FAM53B: variants seen among roughly 807,000 people sequenced by gnomAD.
FAM53B encodes the protein family with sequence similarity 53 member B, also known as protein FAM53B.
In FAM53B, 12 loss-of-function variants were observed where a neutral mutation model predicts 32.7. The ratio of observed to expected loss-of-function variants is 0.37; its 90% CI spans 0.24 to 0.59. The LOEUF (loss-of-function observed/expected upper bound fraction) is 0.59. Ranked by LOEUF, FAM53B falls within the 20% of genes least tolerant of loss-of-function variation. The pLI, the probability that FAM53B is intolerant of heterozygous loss-of-function variation, is 0.72. For synonymous variants in FAM53B, 234 were observed against 228.7 expected (o/e 1.02, Z -0.21); for missense variants, 477 against 577.7 (o/e 0.83, Z 1.79).
At chr10:124,723,330 T>C (rs1018396388) in intron 1 of FAM53B, among the ~76,000 whole-genome samples, 2 of 152,220 alleles carry the variant, frequency 1.3e-5, no homozygotes, top group East Asian at 1.9e-4. Flanking sequence ...CTGAAATCTG[T>C]CTTGCTTGCA....
chr10:124,673,947 C>A (rs1949722059), intron 4 of FAM53B, among the ~76,000 whole-genome samples: 1 of 152,202 alleles, frequency 6.6e-6, no homozygotes, highest in South Asian at 2.1e-4. Flanking sequence ...AGAAGCAGGG[C>A]AACGGGCTCA....
At chr10:124,630,531 G>C (rs1949384198) in intron 4 of FAM53B, among the ~76,000 whole-genome samples, 1 of 152,186 alleles carries the variant, frequency 6.6e-6, no homozygotes, top group African/African-American at 2.4e-5. Flanking sequence ...TTACCCTCAG[G>C]AATCAGGGCA....
In FAM53B at chr10:124,733,171, A is replaced by G. The variant is rs1363026396; in HGVS notation, c.-175+10842T>C. On this transcript the variant is annotated intron_variant, in intron 1 of 4. Transcript: ENST00000337318. The surrounding 1 kb of genome is among the most constrained non-coding windows in gnomAD (Gnocchi z 4.3). ...AAATGCAGATGAGCAAAACCCTACCAGCCTTGGAAAACACACCCCCCAAAG... is the reference window on the plus strand; with the variant it reads ...AAATGCAGATGAGCAAAACCCTACCGGCCTTGGAAAACACACCCCCCAAAG... Among the ~76,000 whole-genome samples, 1 of 152,210 alleles carries G rather than the reference A, an allele frequency of 6.6e-6. No individual in the cohort carries two copies. Among genetic ancestry groups the G allele is most frequent in the Admixed American group, 6.5e-5 (1 of 15,290 alleles).
intron 4 of FAM53B, chr10:124,671,098 CCG>C: frequency 1.1e-5 from 5 of 443,292 alleles, no homozygotes; most frequent in Admixed American, 7.1e-5. Context: ...ACAGAGGCAG[CCG>C]TACATCTCCC....
At chr10:124,715,705 T>A (rs1023157163) in intron 1 of FAM53B, among the ~76,000 whole-genome samples, 5 of 152,228 alleles carry the variant, frequency 3.3e-5, no homozygotes, top group Admixed American at 1.3e-4. Flanking sequence ...GAGTCCACGC[T>A]CAGCCCAGCT....
intron 2 of FAM53B, 30 bp downstream of exon 2, chr10:124,706,606 T>C (rs1225421127): frequency 3.7e-6 from 6 of 1,614,028 alleles, no homozygotes; most frequent in Admixed American, 3.3e-5. Context: ...GAAATGGTCA[T>C]GGAAAGCAGG....
chr10:124,718,410 A>C (rs1352113508), intron 1 of FAM53B, among the ~76,000 whole-genome samples: 3 of 151,892 alleles, frequency 2.0e-5, no homozygotes, highest in Non-Finnish European at 4.4e-5. Context: ...TCTCCCTTCT[A>C]CCCCCACATC....
intron 4 of FAM53B, among the ~76,000 whole-genome samples, chr10:124,640,964 A>G (rs1949467381): frequency 6.6e-6 from 1 of 152,252 alleles, no homozygotes; most frequent in Non-Finnish European, 1.5e-5. Context: ...AGGAAGGGAC[A>G]AAGGCTGTGG....
rs1339749234 is a variant in FAM53B at position 124,651,633 on chromosome 10, C to T, written c.907-28029G>A. On this transcript the variant is annotated intron_variant, in intron 4 of 4. Coordinates refer to ENST00000337318, the MANE Select transcript of FAM53B (RefSeq NM_014661.4). This position sits in a 1 kb window ranked among gnomAD's most constrained non-coding sequence, Gnocchi z 5.2. ...CTCCGAGACAGTGAGGCCCAGCGGC[C>T]TCCTCATTTCCTCCTCAGGGGAGCA... Among the ~76,000 whole-genome samples the T allele has an allele frequency of 6.6e-6, 1 of 152,136 alleles. No individual in the cohort carries two copies. Among genetic ancestry groups the T allele is most frequent in the Non-Finnish European group, 1.5e-5 (1 of 68,016 alleles).
intron 4 of FAM53B, among the ~76,000 whole-genome samples, chr10:124,630,717 G>T (rs1233565817): frequency 8.5e-5 from 13 of 152,360 alleles, no homozygotes; most frequent in African/African-American, 3.1e-4. Flanking sequence ...CCCAGTGGGG[G>T]TGGTAAATAT....
chr10:124,629,449 C>T (rs760987791), intron 4 of FAM53B, among the ~76,000 whole-genome samples: 39 of 152,310 alleles, frequency 2.6e-4, no homozygotes, highest in Non-Finnish European at 4.3e-4. Flanking sequence ...TAGAGGTCTT[C>T]ATGGAGCTAC....
chr10:124,695,720 T>C (rs1026208045), intron 3 of FAM53B, among the ~76,000 whole-genome samples: 9 of 152,234 alleles, frequency 5.9e-5, no homozygotes, highest in Non-Finnish European at 1.3e-4. Context: ...TGATGGTAAC[T>C]ACTCCAAGTG....
chr10:124,719,729 G>T (rs1564887387), intron 1 of FAM53B, among the ~76,000 whole-genome samples: 1 of 152,164 alleles, frequency 6.6e-6, no homozygotes, highest in Non-Finnish European at 1.5e-5. Flanking sequence ...AAACTCTAAA[G>T]CCAGGCCTCT....
intron 4 of FAM53B, among the ~76,000 whole-genome samples, chr10:124,625,272 C>G (rs1404865793): frequency 6.6e-6 from 1 of 152,148 alleles, no homozygotes; most frequent in Non-Finnish European, 1.5e-5. Flanking sequence ...GGAAGCCGTT[C>G]TGATGGGTTT....
chr10:124,664,075 C>T (rs1352178131), intron 4 of FAM53B, among the ~76,000 whole-genome samples: 1 of 152,172 alleles, frequency 6.6e-6, no homozygotes, highest in Non-Finnish European at 1.5e-5. Context: ...GTTCACACAG[C>T]ACCAGGCACT....
At chr10:124,680,631 G>A (rs1432879158) in intron 4 of FAM53B, among the ~76,000 whole-genome samples, 1 of 152,160 alleles carries the variant, frequency 6.6e-6, no homozygotes, top group African/African-American at 2.4e-5. Flanking sequence ...GAGTGACCAA[G>A]GCCATCCCCT....
At chr10:124,672,340 G>A (rs535392400) in intron 4 of FAM53B, among the ~76,000 whole-genome samples, 46 of 152,378 alleles carry the variant, frequency 3.0e-4, no homozygotes, top group Non-Finnish European at 5.3e-4. Context: ...TGCTAACCTC[G>A]GGCTGGGAGG....
chr10:124,660,814 A>G (rs1380711312), intron 4 of FAM53B, among the ~76,000 whole-genome samples: 1 of 152,166 alleles, frequency 6.6e-6, no homozygotes, highest in African/African-American at 2.4e-5. Flanking sequence ...CTCTGTCATA[A>G]TGACCCAGCC....
intron 1 of FAM53B, among the ~76,000 whole-genome samples, chr10:124,736,722 T>G (rs1950175987): frequency 6.6e-6 from 1 of 152,248 alleles, no homozygotes; most frequent in African/African-American, 2.4e-5. Flanking sequence ...AACTGGAACC[T>G]GCATAAGCCG....
Sources: allele counts gnomAD v4.1 joint callset (sites outside exome capture counted in the v4.1 genomes callset), GRCh38; gene constraint gnomAD v4.1.1; non-coding constraint Gnocchi (gnomAD v3.1); transcripts MANE v1.5; gene names NCBI Gene and HGNC (gene_info 2026-07-23, HGNC 2026-07-21).